PLCXD3: variants seen among roughly 807,000 people sequenced by gnomAD.
The protein encoded by PLCXD3 is phosphatidylinositol specific phospholipase C X domain containing 3, also known as PI-PLC X domain-containing protein 3.
A neutral mutation model predicts 25.5 loss-of-function variants in PLCXD3; 19 were observed. That is an observed-to-expected ratio of 0.75 (90% CI 0.52 to 1.09). The LOEUF (loss-of-function observed/expected upper bound fraction) is 1.09, where lower values mean the gene tolerates loss of function less well. PLCXD3 is among the 50% of genes least tolerant of loss of function. The pLI is 0.00. For synonymous variants in PLCXD3, 174 were observed against 137.6 expected (o/e 1.26, Z -1.85); for missense variants, 411 against 388.1 (o/e 1.06, Z -0.50).
intron 1 of PLCXD3, among the ~76,000 whole-genome samples, chr5:41,479,753 G>T (rs899883290): frequency 6.6e-6 from 1 of 151,712 alleles, no homozygotes; most frequent in African/African-American, 2.4e-5. Flanking sequence ...GAGAGAGTAG[G>T]CATAGACTTT....
At chr5:41,392,671 A>G (rs914285374) in intron 1 of PLCXD3, among the ~76,000 whole-genome samples, 2 of 152,220 alleles carry the variant, frequency 1.3e-5, no homozygotes, top group African/African-American at 4.8e-5. Context: ...ATCTGCTAGC[A>G]TCAACATCAT....
At chr5:41,510,277 C>A (rs1310521659) in intron 1 of PLCXD3, 147 bp downstream of exon 1, 3 of 684,620 alleles carry the variant, frequency 4.4e-6, no homozygotes, top group East Asian at 3.0e-5. Context: ...CTACCCGGCA[C>A]GCGCTCGCCT....
At chr5:41,444,704 GC>G (rs67582881) in intron 1 of PLCXD3, among the ~76,000 whole-genome samples, 20,825 of 152,006 alleles carry the variant, frequency 0.14, 1,554 homozygotes, top group Middle Eastern at 0.17. Context: ...TTGTCAAATG[GC>G]CAATCCCACT....
intron 1 of PLCXD3, among the ~76,000 whole-genome samples, chr5:41,487,981 T>A (rs1054784670): frequency 6.6e-6 from 1 of 151,736 alleles, no homozygotes; most frequent in Non-Finnish European, 1.5e-5. Flanking sequence ...GTTAGTTACA[T>A]ATGTATACAT....
At position 41,491,184 on chromosome 5, in the gene PLCXD3, C is replaced by T. The variant is rs548038777; in HGVS notation, c.103+19240G>A. ...AATATCTTTCTTTCTGCCTTCATTT[C>T]CTTATGTACCCAGTAGTCATTCAGG... On this transcript the variant is annotated intron_variant, in intron 1 of 2. Coordinates refer to ENST00000377801, the MANE Select transcript of PLCXD3 (RefSeq NM_001005473.3). 2.0e-3 allele frequency among the ~76,000 whole-genome samples: 312 copies of T among 152,282 alleles called. 1 individual carries two copies. Among genetic ancestry groups the T allele is most frequent in the African/African-American group, 7.0e-3 (289 of 41,556 alleles).
intron 1 of PLCXD3, among the ~76,000 whole-genome samples, chr5:41,442,614 G>A (rs1747409401): frequency 6.6e-6 from 1 of 152,174 alleles, no homozygotes; most frequent in Admixed American, 6.5e-5. Context: ...GACTTACATT[G>A]AGAAGTAACT....
chr5:41,395,680 A>G (rs1265109439), intron 1 of PLCXD3, among the ~76,000 whole-genome samples: 1 of 152,156 alleles, frequency 6.6e-6, no homozygotes, highest in Non-Finnish European at 1.5e-5. Flanking sequence ...ATGAGCAACT[A>G]TATGCCAATA....
chr5:41,373,051 A>AAAACT (rs2150489532), intron 2 of PLCXD3, among the ~76,000 whole-genome samples: 1 of 152,136 alleles, frequency 6.6e-6, no homozygotes, highest in East Asian at 1.9e-4. Context: ...AAAACAAAAC[A>AAAACT]AAAAAACAAA....
Position 41,312,811 on chromosome 5 carries a change from AC to A in PLCXD3, c.*805del, listed in dbSNP as rs1743174593. The A allele has an allele frequency of 6.6e-6, 1 of 151,954 alleles. No homozygotes were observed. The highest frequency in any genetic ancestry group is 2.1e-4 in the South Asian group (1 of 4,820). 9.4% of individuals were successfully genotyped at this position (151,954 alleles called of 1,614,324 possible). On this transcript the variant is annotated 3_prime_UTR_variant, in exon 3 of 3. Transcript: ENST00000377801. ...TATTTTCAGAGTTTTCAATTTTAAC[AC>A]ACTTGTACCTTACCATTTACTGGGT...
intron 1 of PLCXD3, among the ~76,000 whole-genome samples, chr5:41,439,336 G>A (rs1468685943): frequency 2.6e-5 from 4 of 152,138 alleles, no homozygotes; most frequent in Non-Finnish European, 1.5e-5. Context: ...TTGACTTTTA[G>A]GAGGGCATAT....
At chr5:41,396,059 T>C (rs1186712641) in intron 1 of PLCXD3, among the ~76,000 whole-genome samples, 1 of 150,754 alleles carries the variant, frequency 6.6e-6, no homozygotes, top group African/African-American at 2.4e-5. Flanking sequence ...ATATCTCTGA[T>C]GAATATTGAT....
At chr5:41,433,209 G>C (rs1365304285) in intron 1 of PLCXD3, among the ~76,000 whole-genome samples, 4 of 151,982 alleles carry the variant, frequency 2.6e-5, no homozygotes. Context: ...TTACCAACTG[G>C]GTAGCCTTGG....
At chr5:41,456,542 C>A (rs1286345547) in intron 1 of PLCXD3, 6 of 938,674 alleles carry the variant, frequency 6.4e-6, no homozygotes, top group Non-Finnish European at 7.6e-6. Context: ...AATCTCTAGA[C>A]TTACCCATTT....
chr5:41,471,287 C>T (rs777813223), intron 1 of PLCXD3, among the ~76,000 whole-genome samples: 2 of 152,134 alleles, frequency 1.3e-5, no homozygotes, highest in Non-Finnish European at 2.9e-5. Flanking sequence ...ATTGCCAATG[C>T]CACCTTTCCT....
At chr5:41,431,922 T>C (rs1747118369) in intron 1 of PLCXD3, among the ~76,000 whole-genome samples, 1 of 152,092 alleles carries the variant, frequency 6.6e-6, no homozygotes, top group Non-Finnish European at 1.5e-5. Flanking sequence ...GCTAGGCCCA[T>C]GAGGTTTGCT....
intron 2 of PLCXD3, among the ~76,000 whole-genome samples, chr5:41,347,842 C>G (rs1436992034): frequency 6.6e-6 from 1 of 151,242 alleles, no homozygotes; most frequent in East Asian, 1.9e-4. Context: ...AATCCAAAAC[C>G]AGGTAACTGG....
chr5:41,367,419 G>T (rs1339718648), intron 2 of PLCXD3, among the ~76,000 whole-genome samples: 1 of 151,946 alleles, frequency 6.6e-6, no homozygotes, highest in East Asian at 1.9e-4. Context: ...TCAAATGTTT[G>T]TTGGCCATAA....
At chr5:41,373,395 T>A (rs1446813829) in intron 2 of PLCXD3, among the ~76,000 whole-genome samples, 2 of 152,206 alleles carry the variant, frequency 1.3e-5, no homozygotes, top group Admixed American at 1.3e-4. Flanking sequence ...ACTTATGAAA[T>A]GTGCATGTTT....
Position 41,505,799 on chromosome 5 carries a change from A to G in PLCXD3, c.103+4625T>C, listed in dbSNP as rs181291558. On this transcript the variant is annotated intron_variant, in intron 1 of 2. Coordinates refer to ENST00000377801, the MANE Select transcript of PLCXD3 (RefSeq NM_001005473.3). Reference sequence around the variant, plus strand: ...TCACATTTATTGCTCAAGGTACATGATGACCTGTAATGTCAGTTATCAGAA... The same window carrying G: ...TCACATTTATTGCTCAAGGTACATGGTGACCTGTAATGTCAGTTATCAGAA... 7.9e-5 allele frequency among the ~76,000 whole-genome samples: 12 copies of G among 152,354 alleles called. No homozygotes were observed. In the East Asian group the frequency reaches 2.3e-3, roughly 29 times the overall value.
Sources: allele counts gnomAD v4.1 joint callset (sites outside exome capture counted in the v4.1 genomes callset), GRCh38; gene constraint gnomAD v4.1.1; transcripts MANE v1.5; gene names NCBI Gene and HGNC (gene_info 2026-07-23, HGNC 2026-07-21).